The following C2CD2 variants were observed in gnomAD, a reference collection of about 807,000 sequenced individuals.
The protein encoded by C2CD2 is C2 domain-containing protein 2.
In C2CD2, 43 loss-of-function variants were observed where a neutral mutation model predicts 74.3. That is an observed-to-expected ratio of 0.58 (90% CI 0.45 to 0.75). C2CD2 has a LOEUF of 0.75. Ranked by LOEUF, C2CD2 falls within the 30% of genes least tolerant of loss-of-function variation. The probability of loss-of-function intolerance (pLI) is 0.00; values close to 1 mark genes in which losing one functional copy is unlikely to be tolerated. For missense variants in C2CD2, 801 were observed against 916.3 expected (o/e 0.87, Z 1.63); for synonymous variants, 422 against 390.7 (o/e 1.08, Z -0.94).
intron 13 of C2CD2, among the ~76,000 whole-genome samples, chr21:41,890,241 T>G (rs1319942125): frequency 6.6e-6 from 1 of 152,244 alleles, no homozygotes; most frequent in Non-Finnish European, 1.5e-5. Flanking sequence ...GTTTGTTACT[T>G]GGGCATATTT....
At position 41,892,820 on chromosome 21, in the gene C2CD2, C is replaced by T. The variant is rs2064771163; in HGVS notation, c.1871-3476G>A. Among the ~76,000 whole-genome samples, 1 of 152,274 alleles carries T rather than the reference C, an allele frequency of 6.6e-6. No homozygotes were observed. The highest frequency in any genetic ancestry group is 2.1e-4 in the South Asian group (1 of 4,832). ...CAAGGACACAGGCACCATACCTGCT[C>T]TCCTGCATGTCGCTGCTCATGCTCC... On this transcript the variant is annotated intron_variant, in intron 13 of 13. Coordinates refer to ENST00000380486, the MANE Select transcript of C2CD2 (RefSeq NM_015500.2). This position sits in a 1 kb window ranked among gnomAD's most constrained non-coding sequence, Gnocchi z 4.6.
chr21:41,945,928 G>C lies in C2CD2; in HGVS notation c.280-3683C>G, dbSNP rs1294862124. On this transcript the variant is annotated intron_variant, in intron 1 of 13. Coordinates refer to ENST00000380486, the MANE Select transcript of C2CD2 (RefSeq NM_015500.2). This position sits in a 1 kb window ranked among gnomAD's most constrained non-coding sequence, Gnocchi z 4.2. ...TCAGGGAAGTCCTTTAGAGCAGTGT[G>C]AAAACAGACTGATACAACAATATAA... Among the ~76,000 whole-genome samples the C allele has an allele frequency of 1.3e-5, 2 of 152,160 alleles. No homozygotes were observed. The highest frequency in any genetic ancestry group is 4.8e-5 in the African/African-American group (2 of 41,442).
rs1185281633 is a variant in C2CD2, at chr21:41,899,554, T to TA, written c.1561-193dup. Among the ~76,000 whole-genome samples, 1 of 152,216 alleles carries TA rather than the reference T, an allele frequency of 6.6e-6. No homozygotes were observed. Among genetic ancestry groups the TA allele is most frequent in the African/African-American group, 2.4e-5 (1 of 41,546 alleles). On this transcript the variant is annotated intron_variant, in intron 12 of 13. Coordinates refer to ENST00000380486, the MANE Select transcript of C2CD2 (RefSeq NM_015500.2). This position sits in a 1 kb window ranked among gnomAD's most constrained non-coding sequence, Gnocchi z 4.4. Reference sequence around the variant, plus strand: ...TGCTTGGGTTAAAAAAGGTCTCCCTTACAGCCAGGGCTCAGGATCCCTAGG... The same window carrying TA: ...TGCTTGGGTTAAAAAAGGTCTCCCTTAACAGCCAGGGCTCAGGATCCCTAGG...
intron 8 of C2CD2, chr21:41,908,310 A>AAATAGTAGAGGAAACTG (rs1192023201): frequency 6.6e-6 from 1 of 152,548 alleles, no homozygotes; most frequent in Non-Finnish European, 1.4e-5. Flanking sequence ...GCATGAGCAC[A>AAATAGTAGAGGAAACTG]AATAGTAGAG....
At chr21:41,898,219 C>T (rs895444193) in intron 13 of C2CD2, among the ~76,000 whole-genome samples, 2 of 152,222 alleles carry the variant, frequency 1.3e-5, no homozygotes, top group East Asian at 1.9e-4. Flanking sequence ...CCTGAGCTCA[C>T]GGCTTGGCCT....
At chr21:41,947,137 T>TCTCTCTCTCTCTCCCTCTCTCCCTCC (rs778013814) in intron 1 of C2CD2, among the ~76,000 whole-genome samples, 1 of 25,638 alleles carries the variant, frequency 3.9e-5, no homozygotes, top group Non-Finnish European at 8.9e-5. Context: ...TCTCTCTCTC[T>TCTCTCTCTCTCTCCCTCTCTCCCTCC]CTCCCTCCCT....
chr21:41,900,099 GTC>G (rs2064875821), intron 12 of C2CD2, among the ~76,000 whole-genome samples: 1 of 152,062 alleles, frequency 6.6e-6, no homozygotes, highest in Non-Finnish European at 1.5e-5. Flanking sequence ...TAATCTCCCC[GTC>G]TCTACTTAAA....
At position 41,951,500 on chromosome 21, in the gene C2CD2, G is replaced by A. The variant is rs370530215; in HGVS notation, c.279+1870C>T. 2.7e-4 allele frequency among the ~76,000 whole-genome samples: 41 copies of A among 152,268 alleles called. No individual in the cohort carries two copies. In the South Asian group the frequency reaches 7.9e-3, roughly 29 times the overall value. ...CACTGTTGCCTCTTCCAGGCAGGAGGTCAGGAGAGACAGGTGTCTGAGACT... is the reference window on the plus strand; with the variant it reads ...CACTGTTGCCTCTTCCAGGCAGGAGATCAGGAGAGACAGGTGTCTGAGACT... On this transcript the variant is annotated intron_variant, in intron 1 of 13. Transcript: ENST00000380486.
At chr21:41,940,530 T>G (rs183881509) in intron 2 of C2CD2, among the ~76,000 whole-genome samples, 1 of 152,192 alleles carries the variant, frequency 6.6e-6, no homozygotes, top group African/African-American at 2.4e-5. Flanking sequence ...ATACCTAACT[T>G]GATAATAAAA....
chr21:41,897,208 AG>A (rs1051077288), intron 13 of C2CD2, among the ~76,000 whole-genome samples: 1 of 152,164 alleles, frequency 6.6e-6, no homozygotes, highest in Non-Finnish European at 1.5e-5. Flanking sequence ...GGGAAGGAGG[AG>A]GGGCTGTGTG....
chr21:41,889,088 G>A lies in C2CD2; in HGVS notation c.*36C>T, dbSNP rs375297943. On this transcript the variant is annotated 3_prime_UTR_variant, in exon 14 of 14. Coordinates refer to ENST00000380486, the MANE Select transcript of C2CD2 (RefSeq NM_015500.2). The stretch of plus-strand genomic sequence containing the variant: ...CCTGGTGAGGGTAGTTAACATGGGT[G>A]CACGTCTTCTGGCTTGGAGGTGATG... 6.0e-6 allele frequency: 9 copies of A among 1,511,400 alleles called. No individual in the cohort carries two copies. In the African/African-American group the frequency reaches 6.9e-5, roughly 12 times the overall value. 93.6% of individuals were successfully genotyped at this position (1,511,400 alleles called of 1,614,324 possible). A position where few individuals can be genotyped will look rare whatever the true frequency, so the allele number is the denominator to read the frequency against.
Position 41,947,112 on chromosome 21 carries a change from T to TTCTCTCTCTCTCTCTC in C2CD2, c.280-4883_280-4868dup, listed in dbSNP as rs147753254. On this transcript the variant is annotated intron_variant, in intron 1 of 13. Coordinates refer to ENST00000380486, the MANE Select transcript of C2CD2 (RefSeq NM_015500.2). Reference sequence around the variant, plus strand: ...TTTCTTTCTTTCTTTCCTTTCTCTTTTCTCTCTCTCTCTCTCTCTCTCTCT... The same window carrying TTCTCTCTCTCTCTCTC: ...TTTCTTTCTTTCTTTCCTTTCTCTTTTCTCTCTCTCTCTCTCTCTCTCTCTCTCTCTCTCTCTCTCT... Among the ~76,000 whole-genome samples, 62 of 26,210 alleles carry TTCTCTCTCTCTCTCTC rather than the reference T, an allele frequency of 2.4e-3. 5 individuals carry two copies. Among genetic ancestry groups the TTCTCTCTCTCTCTCTC allele is most frequent in the South Asian group, 0.013 (12 of 926 alleles). The allele number at this position is 26,210 out of a possible 152,430, so 17.2% of individuals were successfully genotyped here. A position where few individuals can be genotyped will look rare whatever the true frequency, so the allele number is the denominator to read the frequency against.
chr21:41,929,457 C>T lies in C2CD2; in HGVS notation c.379-7372G>A, dbSNP rs1157801075. The stretch of plus-strand genomic sequence containing the variant: ...TCCCACAGCCCTGCACGGGAGGGGC[C>T]CCTACACAACAGACACAGACCCTGT... On this transcript the variant is annotated intron_variant, in intron 2 of 13. Coordinates refer to ENST00000380486, the MANE Select transcript of C2CD2 (RefSeq NM_015500.2). This position sits in a 1 kb window ranked among gnomAD's most constrained non-coding sequence, Gnocchi z 4.6. Among the ~76,000 whole-genome samples the T allele has an allele frequency of 6.6e-6, 1 of 152,198 alleles. No homozygotes were observed. The highest frequency in any genetic ancestry group is 2.4e-5 in the African/African-American group (1 of 41,440).
rs1461135219 is a variant in C2CD2 at position 41,948,887 on chromosome 21, TTTTTTC to T, written c.279+4477_279+4482del. On this transcript the variant is annotated intron_variant, in intron 1 of 13. Transcript: ENST00000380486. ...CACAGCATCTTTTTTTTTTTTTTTT[TTTTTTC>T]TTTTTTTTTACAAAGACCATAATGA... Among the ~76,000 whole-genome samples the T allele has an allele frequency of 7.4e-4, 96 of 129,280 alleles. 16 individuals are homozygous for T. Among genetic ancestry groups the T allele is most frequent in the Non-Finnish European group, 1.0e-3 (62 of 59,400 alleles). 84.8% of individuals were successfully genotyped at this position (129,280 alleles called of 152,430 possible). A position where few individuals can be genotyped will look rare whatever the true frequency, so the allele number is the denominator to read the frequency against.
At chr21:41,936,330 T>C (rs1230323828) in intron 2 of C2CD2, among the ~76,000 whole-genome samples, 1 of 152,164 alleles carries the variant, frequency 6.6e-6, no homozygotes, top group Non-Finnish European at 1.5e-5. Flanking sequence ...CCAACAGGTC[T>C]ATGAAAAAGG....
intron 1 of C2CD2, among the ~76,000 whole-genome samples, chr21:41,948,338 C>T (rs1402573913): frequency 6.6e-6 from 1 of 151,468 alleles, no homozygotes; most frequent in Non-Finnish European, 1.5e-5. Flanking sequence ...GGCTCTGCCC[C>T]AGCTCACAAT....
In C2CD2 at chr21:41,927,887, G is replaced by A. The variant is rs997425055; in HGVS notation, c.379-5802C>T. Among the ~76,000 whole-genome samples, 7 of 152,090 alleles carry A rather than the reference G, an allele frequency of 4.6e-5. 1 individual carries two copies. Among genetic ancestry groups the A allele is most frequent in the South Asian group, 4.2e-4 (2 of 4,816 alleles). ...CTCTTTTGGGGGAAGCCTCCACCAC[G>A]TGGGGCTCCTGCGTCAACCTGACTC... On this transcript the variant is annotated intron_variant, in intron 2 of 13. Coordinates refer to ENST00000380486, the MANE Select transcript of C2CD2 (RefSeq NM_015500.2).
intron 5 of C2CD2, among the ~76,000 whole-genome samples, chr21:41,917,846 G>A (rs2065109749): frequency 6.6e-6 from 1 of 152,092 alleles, no homozygotes; most frequent in African/African-American, 2.4e-5. Flanking sequence ...CCTTGGTCCT[G>A]GAAAGATGAG....
rs776382984 is a variant in C2CD2 at position 41,953,372 on chromosome 21, C to T, written c.277G>A (p.Gly93Arg). The change falls in exon 1 of 14, where the codon GGG becomes AGG. Residue 93 changes from glycine to arginine, a missense_variant and splice_region_variant. Coordinates refer to ENST00000380486, the MANE Select transcript of C2CD2 (RefSeq NM_015500.2). ...GGCCCGCAGTCCCGGAAACTCACCC[C>T]TTTCCTCTCGGCCTCCTCGTTCAGG... ...TALNEEAERK[G>R]GPPFLSFEED... is the part of the protein sequence containing the mutation. The T allele has an allele frequency of 4.2e-6, 6 of 1,416,760 alleles. No individual in the cohort carries two copies. In the South Asian group the frequency reaches 6.5e-5, roughly 15 times the overall value. 87.8% of individuals were successfully genotyped at this position (1,416,760 alleles called of 1,614,324 possible).
Sources: allele counts gnomAD v4.1 joint callset (sites outside exome capture counted in the v4.1 genomes callset), GRCh38; gene constraint gnomAD v4.1.1; non-coding constraint Gnocchi (gnomAD v3.1); transcripts MANE v1.5; gene names NCBI Gene and HGNC (gene_info 2026-07-23, HGNC 2026-07-21).